The following RAB28 variants were observed in gnomAD, a reference collection of about 807,000 sequenced individuals.
RAB28 encodes the protein ras-related protein Rab-28.
Under a neutral mutation model 31.7 loss-of-function variants are expected in RAB28, and 24 were observed. The ratio of observed to expected loss-of-function variants is 0.76; its 90% CI spans 0.55 to 1.06. RAB28 has a LOEUF of 1.06. Among genes scored for constraint, RAB28 ranks in the 50% least tolerant of loss-of-function variants. RAB28 has a pLI of 0.00. For missense variants in RAB28, 254 were observed against 258.5 expected (o/e 0.98, Z 0.12); for synonymous variants, 100 against 90.4 (o/e 1.11, Z -0.60).
intron 4 of RAB28, among the ~76,000 whole-genome samples, chr4:13,400,242 T>C (rs1711670083): frequency 6.6e-6 from 1 of 152,188 alleles, no homozygotes; most frequent in Non-Finnish European, 1.5e-5. Context: ...TTATAAAAGC[T>C]GTTGCTAGTA....
intron 4 of RAB28, among the ~76,000 whole-genome samples, chr4:13,392,095 A>T (rs13120338): frequency 0.19 from 29,402 of 152,110 alleles, 3,449 homozygotes; most frequent in East Asian, 0.28. Flanking sequence ...ATAATTTTTT[A>T]AAAAATTCTG....
intron 4 of RAB28, among the ~76,000 whole-genome samples, chr4:13,397,824 A>C (rs1274827742): frequency 6.6e-5 from 10 of 152,126 alleles, no homozygotes; most frequent in Admixed American, 2.6e-4. Flanking sequence ...GCACTTCTAC[A>C]GATTTTGCAT....
At chr4:13,450,165 G>A (rs1379191878) in intron 4 of RAB28, among the ~76,000 whole-genome samples, 1 of 151,732 alleles carries the variant, frequency 6.6e-6, no homozygotes, top group Non-Finnish European at 1.5e-5. Context: ...TACAGATTAT[G>A]ATTTTTTAAC....
intron 4 of RAB28, among the ~76,000 whole-genome samples, chr4:13,398,099 C>A (rs1338472031): frequency 2.0e-5 from 3 of 152,108 alleles, no homozygotes; most frequent in Non-Finnish European, 4.4e-5. Flanking sequence ...ACTATTTCTC[C>A]TCTTGCCTCA....
rs145248518 is a variant in RAB28, at chr4:13,426,778, A to C, written c.391+33921T>G. Among the ~76,000 whole-genome samples the C allele has an allele frequency of 3.1e-3, 478 of 152,340 alleles. 1 individual carries two copies. Among genetic ancestry groups the C allele is most frequent in the Middle Eastern group, 0.01 (3 of 294 alleles). On this transcript the variant is annotated intron_variant, in intron 4 of 6. Coordinates refer to ENST00000330852, the MANE Select transcript of RAB28 (RefSeq NM_001017979.3). ...TTCACATTATTCAACAGGGTTAATC[A>C]AAACATTTGGCTGACCTTCAAAATA...
At chr4:13,387,750 C>A (rs1436422522) in intron 4 of RAB28, among the ~76,000 whole-genome samples, 1 of 151,730 alleles carries the variant, frequency 6.6e-6, no homozygotes, top group Non-Finnish European at 1.5e-5. Context: ...TCTTCAATTT[C>A]AAAAAAAATT....
chr4:13,428,033 G>A (rs568376337), intron 4 of RAB28, among the ~76,000 whole-genome samples: 5 of 152,306 alleles, frequency 3.3e-5, no homozygotes, highest in Admixed American at 3.3e-4. Flanking sequence ...TGAGCAAGCA[G>A]GGGGTACATA....
intron 5 of RAB28, among the ~76,000 whole-genome samples, chr4:13,380,510 CTT>C (rs908238001): frequency 1.7e-4 from 26 of 152,170 alleles, no homozygotes; most frequent in East Asian, 9.6e-4. Flanking sequence ...ACTAATAAAA[CTT>C]TTAAAATTTC....
chr4:13,383,786 G>A (rs141734404), intron 4 of RAB28, among the ~76,000 whole-genome samples: 48 of 152,294 alleles, frequency 3.2e-4, no homozygotes, highest in Non-Finnish European at 5.4e-4. Flanking sequence ...CTTGCCTGAC[G>A]CCATGTAAGG....
chr4:13,473,929 C>T (rs922509249), intron 3 of RAB28: 15 of 361,120 alleles, frequency 4.2e-5, no homozygotes, highest in Non-Finnish European at 5.4e-6. Flanking sequence ...GATATACTTT[C>T]AGTCCTTGTA....
intron 4 of RAB28, among the ~76,000 whole-genome samples, chr4:13,443,054 G>A (rs1426950422): frequency 1.3e-5 from 2 of 152,070 alleles, no homozygotes; most frequent in Non-Finnish European, 2.9e-5. Context: ...AATTTTGAAT[G>A]AAAATTAAGA....
At chr4:13,370,206 C>A in intron 6 of RAB28, 5 of 974,982 alleles carry the variant, frequency 5.1e-6, no homozygotes, top group Non-Finnish European at 6.1e-6. Flanking sequence ...CTTTGTAATT[C>A]TATTTAATTA....
intron 4 of RAB28, among the ~76,000 whole-genome samples, chr4:13,400,256 C>G (rs548597396): frequency 6.6e-6 from 1 of 152,258 alleles, no homozygotes; most frequent in African/African-American, 2.4e-5. Flanking sequence ...GCTAGTAAGT[C>G]TTGATAACTG....
intron 1 of RAB28, among the ~76,000 whole-genome samples, chr4:13,482,600 A>G (rs1716657431): frequency 6.6e-6 from 1 of 152,202 alleles, no homozygotes; most frequent in Non-Finnish European, 1.5e-5. Flanking sequence ...GTTAGAAACA[A>G]TGATTTATTT....
chr4:13,461,990 G>A (rs1715611544), intron 3 of RAB28, among the ~76,000 whole-genome samples: 3 of 152,176 alleles, frequency 2.0e-5, no homozygotes, highest in Admixed American at 2.0e-4. Context: ...GTAAGTGATG[G>A]AGCCAGTATT....
At chr4:13,437,537 T>G (rs1714188920) in intron 4 of RAB28, among the ~76,000 whole-genome samples, 2 of 151,796 alleles carry the variant, frequency 1.3e-5, no homozygotes, top group Admixed American at 1.3e-4. Context: ...CAACAAAAAG[T>G]GGACTAATGA....
chr4:13,432,973 A>T (rs1353816430), intron 4 of RAB28, among the ~76,000 whole-genome samples: 1 of 151,758 alleles, frequency 6.6e-6, no homozygotes, highest in African/African-American at 2.4e-5. Flanking sequence ...CAGAGTGGCA[A>T]ATTGAATTTA....
intron 4 of RAB28, among the ~76,000 whole-genome samples, chr4:13,444,330 A>G (rs559294327): frequency 7.2e-5 from 11 of 151,814 alleles, no homozygotes; most frequent in African/African-American, 2.7e-4. Flanking sequence ...CCCAGCCGCG[A>G]TTTCCTTCTT....
intron 5 of RAB28, among the ~76,000 whole-genome samples, chr4:13,378,390 A>G (rs986705968): frequency 5.9e-5 from 9 of 152,212 alleles, no homozygotes; most frequent in Non-Finnish European, 1.3e-4. Context: ...GACGTGAATA[A>G]TAGCAGTTTG....
Sources: allele counts gnomAD v4.1 joint callset (sites outside exome capture counted in the v4.1 genomes callset), GRCh38; gene constraint gnomAD v4.1.1; transcripts MANE v1.5; gene names NCBI Gene and HGNC (gene_info 2026-07-23, HGNC 2026-07-21).